PTPRD: variants seen among roughly 807,000 people sequenced by gnomAD.
The protein encoded by PTPRD is receptor-type tyrosine-protein phosphatase delta.
A neutral mutation model predicts 214.5 loss-of-function variants in PTPRD; 34 were observed. That is an observed-to-expected ratio of 0.16 (90% CI 0.12 to 0.21). The LOEUF (loss-of-function observed/expected upper bound fraction) is 0.21, where lower values mean the gene tolerates loss of function less well. Among genes scored for constraint, PTPRD ranks in the 10% least tolerant of loss-of-function variants. PTPRD has a pLI of 1.00. For synonymous variants in PTPRD, 1,128 were observed against 845.7 expected (o/e 1.33, Z -5.79); for missense variants, 2,545 against 2,398.7 (o/e 1.06, Z -1.27).
chr9:8,594,860 C>CTTTTTT (rs55766168), intron 14 of PTPRD, among the ~76,000 whole-genome samples: 2 of 130,582 alleles, frequency 1.5e-5, no homozygotes, highest in South Asian at 2.3e-4. Flanking sequence ...TGTTTAACCC[C>CTTTTTT]TTTTTTTTTT....
At chr9:9,774,498 C>G (rs2098780519) in intron 5 of PTPRD, among the ~76,000 whole-genome samples, 1 of 152,120 alleles carries the variant, frequency 6.6e-6, no homozygotes, top group Non-Finnish European at 1.5e-5. Flanking sequence ...ATCACTTGTC[C>G]TTACTAGGAA....
intron 10 of PTPRD, among the ~76,000 whole-genome samples, chr9:9,118,372 C>A (rs537935242): frequency 1.3e-5 from 2 of 152,216 alleles, no homozygotes; most frequent in Non-Finnish European, 2.9e-5. Flanking sequence ...CTTAACTGAC[C>A]ATTTTCTGCA....
chr9:9,327,401 T>C lies in PTPRD; in HGVS notation c.-203+70048A>G, dbSNP rs185720253. On this transcript the variant is annotated intron_variant, in intron 9 of 45. Coordinates refer to ENST00000381196, the MANE Select transcript of PTPRD (RefSeq NM_002839.4). ...AACAGTTATTTGACCTTTGTTCCAG[T>C]AATTTTTTTCCATTTTTTTCTTAAA... Among the ~76,000 whole-genome samples the C allele has an allele frequency of 2.0e-5, 3 of 152,300 alleles. No individual in the cohort carries two copies. The East Asian group carries it at 5.8e-4, about 29-fold the overall frequency.
chr9:9,224,882 T>C (rs2099958425), intron 9 of PTPRD, among the ~76,000 whole-genome samples: 1 of 152,050 alleles, frequency 6.6e-6, no homozygotes, highest in South Asian at 2.1e-4. Flanking sequence ...TGCTAATTGC[T>C]GATGTCTACA....
chr9:8,786,763 G>A (rs1170407441), intron 11 of PTPRD, among the ~76,000 whole-genome samples: 6 of 151,858 alleles, frequency 4.0e-5, no homozygotes, highest in African/African-American at 1.2e-4. Flanking sequence ...AAAAGGTGGG[G>A]GGGCGGGGGG....
rs561115396 is a variant in PTPRD, at chr9:9,065,991, A to G, written c.-142-47256T>C. ...ACCATTGTTATATAATATAAAGTAA[A>G]TTTTCAGTACATTTTAGCTGTTGTT... On this transcript the variant is annotated intron_variant, in intron 10 of 45. Coordinates refer to ENST00000381196, the MANE Select transcript of PTPRD (RefSeq NM_002839.4). Among the ~76,000 whole-genome samples, 3 of 152,134 alleles carry G rather than the reference A, an allele frequency of 2.0e-5. No homozygotes were observed. In the South Asian group the frequency reaches 6.2e-4, roughly 32 times the overall value.
At chr9:8,804,572 C>G (rs1223078388) in intron 11 of PTPRD, among the ~76,000 whole-genome samples, 1 of 152,106 alleles carries the variant, frequency 6.6e-6, no homozygotes, top group East Asian at 1.9e-4. Flanking sequence ...ACTGCAGTCC[C>G]GTGTGACAGA....
At chr9:10,406,480 G>C (rs1473111220) in intron 2 of PTPRD, among the ~76,000 whole-genome samples, 2 of 151,454 alleles carry the variant, frequency 1.3e-5, no homozygotes, top group East Asian at 2.0e-4. Context: ...CAAAAATCTT[G>C]ACAACATTCT....
chr9:9,384,343 CTTTTTTTTTTTTTTTTTTTTT>C (rs869246078), intron 9 of PTPRD, among the ~76,000 whole-genome samples: 1,201 of 33,244 alleles, frequency 0.036, 19 homozygotes, highest in East Asian at 0.19. Flanking sequence ...GAAGACTAGG[CTTTTTTTTTTTTTTTTTTTTT>C]TTTTTTTTTT....
At chr9:10,391,744 T>C (rs1351690071) in intron 2 of PTPRD, among the ~76,000 whole-genome samples, 1 of 151,802 alleles carries the variant, frequency 6.6e-6, no homozygotes. Flanking sequence ...CAATATAAAT[T>C]AGAATATTTT....
intron 2 of PTPRD, among the ~76,000 whole-genome samples, chr9:10,553,209 G>A (rs975202708): frequency 6.6e-6 from 1 of 152,118 alleles, no homozygotes; most frequent in Non-Finnish European, 1.5e-5. Flanking sequence ...AGAAAGCAAA[G>A]TAATAATTGC....
chr9:8,493,163 C>T (rs2097185527), intron 26 of PTPRD, among the ~76,000 whole-genome samples, 184 bp from the exon 27 acceptor site: 1 of 152,166 alleles, frequency 6.6e-6, no homozygotes, highest in South Asian at 2.1e-4. Context: ...ATCGAAGGGG[C>T]ATCTTCAGGC....
chr9:10,172,012 G>A (rs557331487), intron 3 of PTPRD, among the ~76,000 whole-genome samples: 5 of 152,106 alleles, frequency 3.3e-5, no homozygotes, highest in Non-Finnish European at 7.4e-5. Context: ...AGCCTCATAA[G>A]AATTTATTTC....
chr9:10,406,346 A>T (rs1258089961), intron 2 of PTPRD, among the ~76,000 whole-genome samples: 1 of 151,630 alleles, frequency 6.6e-6, no homozygotes, highest in Non-Finnish European at 1.5e-5. Flanking sequence ...TTTGTACAAA[A>T]TACCTAATAT....
At chr9:9,930,973 A>T (rs1336551146) in intron 5 of PTPRD, among the ~76,000 whole-genome samples, 2 of 152,086 alleles carry the variant, frequency 1.3e-5, no homozygotes, top group African/African-American at 4.8e-5. Flanking sequence ...GTATAAAATA[A>T]AAATATATTT....
chr9:8,630,866 G>C (rs1712864763), intron 14 of PTPRD, among the ~76,000 whole-genome samples: 1 of 151,808 alleles, frequency 6.6e-6, no homozygotes, highest in African/African-American at 2.4e-5. Context: ...GTCTTCATTG[G>C]ATGCATAAAG....
chr9:9,462,132 A>C (rs1243709371), intron 8 of PTPRD, among the ~76,000 whole-genome samples: 1 of 152,092 alleles, frequency 6.6e-6, no homozygotes, highest in Non-Finnish European at 1.5e-5. Flanking sequence ...ACTCACAATA[A>C]ATATCTGTTG....
At chr9:10,322,721 T>C (rs9657580) in intron 3 of PTPRD, among the ~76,000 whole-genome samples, 46,543 of 151,892 alleles carry the variant, frequency 0.31, 8,205 homozygotes, top group African/African-American at 0.48. Context: ...TTGGTACCAA[T>C]TGGTTTTGTA....
intron 12 of PTPRD, among the ~76,000 whole-genome samples, chr9:8,723,045 A>C (rs1413113490): frequency 6.6e-6 from 1 of 152,162 alleles, no homozygotes; most frequent in African/African-American, 2.4e-5. Flanking sequence ...ATTCAAGTTT[A>C]ATAAATAGAT....
Sources: allele counts gnomAD v4.1 joint callset (sites outside exome capture counted in the v4.1 genomes callset), GRCh38; gene constraint gnomAD v4.1.1; transcripts MANE v1.5; gene names NCBI Gene and HGNC (gene_info 2026-07-23, HGNC 2026-07-21).